PCDH11X: variants seen among roughly 807,000 people sequenced by gnomAD.
The protein encoded by PCDH11X is protocadherin 11 X-linked, also known as protocadherin-11 X-linked.
In PCDH11X, 18 loss-of-function variants were observed where a neutral mutation model predicts 53.3. That is an observed-to-expected ratio of 0.34 (90% CI 0.23 to 0.50). The LOEUF is 0.50. Among genes scored for constraint, PCDH11X ranks in the 20% least tolerant of loss-of-function variants. The pLI is 0.98. For missense variants in PCDH11X, 570 were observed against 1,032.4 expected, an observed-to-expected ratio of 0.55 and a Z score of 6.14; for synonymous variants, 279 against 393.3, an observed-to-expected ratio of 0.71 and a Z score of 3.44.
At chrX:92,491,459 G>T (rs1368332927) in intron 10 of PCDH11X, among the ~76,000 whole-genome samples, 1 of 109,567 alleles carries the variant, frequency 9.1e-6, no homozygotes, top group African/African-American at 3.3e-5. Flanking sequence ...TATTTTTATT[G>T]TCTATATTTA....
intron 10 of PCDH11X, among the ~76,000 whole-genome samples, chrX:92,563,058 T>A (rs1462681070): frequency 1.2e-4 from 3 of 25,760 alleles, no homozygotes; most frequent in African/African-American, 2.4e-4. Flanking sequence ...TTTTTTTTTT[T>A]TTTTTTTTTT....
intron 7 of PCDH11X, among the ~76,000 whole-genome samples, chrX:92,257,359 TC>T (rs1363577860): frequency 1.8e-5 from 2 of 111,096 alleles, no homozygotes; most frequent in Non-Finnish European, 3.8e-5. Flanking sequence ...ACCATATCAT[TC>T]TGCCCCTGGC....
chrX:92,440,193 G>A (rs1341367898), intron 9 of PCDH11X, among the ~76,000 whole-genome samples: 1 of 107,251 alleles, frequency 9.3e-6, no homozygotes, highest in Non-Finnish European at 1.9e-5. Context: ...TAGATTCAGG[G>A]AGTACATGTG....
chrX:91,956,852 T>C (rs2147880805), intron 6 of PCDH11X, among the ~76,000 whole-genome samples: 1 of 104,696 alleles, frequency 9.6e-6, no homozygotes, highest in East Asian at 3.0e-4. Context: ...AAATATGTTT[T>C]CCAAGTTGGT....
chrX:92,537,614 C>A (rs1449758262), intron 10 of PCDH11X, among the ~76,000 whole-genome samples: 1 of 101,184 alleles, frequency 9.9e-6, no homozygotes, highest in Non-Finnish European at 2.0e-5. Context: ...GAAATTATAC[C>A]ACAGAGATAT....
intron 10 of PCDH11X, among the ~76,000 whole-genome samples, chrX:92,592,298 T>G (rs1368205052): frequency 1.0e-5 from 1 of 95,886 alleles, no homozygotes; most frequent in Admixed American, 1.2e-4. Context: ...TGAATTTTCT[T>G]TTATCTGAAC....
intron 6 of PCDH11X, among the ~76,000 whole-genome samples, chrX:92,185,270 TAAGTA>T (rs2148297764): frequency 9.1e-6 from 1 of 110,098 alleles, no homozygotes; most frequent in East Asian, 2.8e-4. Flanking sequence ...TTTAAATAAA[TAAGTA>T]AATAAATAGT....
chrX:92,492,909 T>A (rs1056013893), intron 10 of PCDH11X, among the ~76,000 whole-genome samples: 2 of 111,648 alleles, frequency 1.8e-5, no homozygotes, highest in African/African-American at 6.5e-5. Flanking sequence ...CTTAAATTTA[T>A]CTACCACATA....
At chrX:91,848,865 C>T (rs756895114) in intron 5 of PCDH11X, among the ~76,000 whole-genome samples, 195 of 111,224 alleles carry the variant, frequency 1.8e-3, no homozygotes, top group African/African-American at 5.9e-3. Context: ...GAACCTGCTA[C>T]GATGAAGACT....
At chrX:92,266,187 G>C (rs1216973292) in intron 8 of PCDH11X, among the ~76,000 whole-genome samples, 1 of 111,220 alleles carries the variant, frequency 9.0e-6, no homozygotes, top group Non-Finnish European at 1.9e-5. Context: ...CATTAACTTG[G>C]GATTTATTGC....
Position 92,430,255 on chromosome X carries a change from A to C in PCDH11X, c.3344-38044A>C, listed in dbSNP as rs1291649877. 3.2e-5 allele frequency among the ~76,000 whole-genome samples: 3 copies of C among 92,457 alleles called. 1 individual carries two copies. The highest frequency in any genetic ancestry group is 1.1e-4 in the African/African-American group (3 of 26,989). 80.3% of individuals were successfully genotyped at this position (92,457 alleles called of 115,157 possible). Reference sequence around the variant, plus strand: ...AATGCTAGACAAAATTCAGAACAAAAGTATGTAATTTGAAAAATAACTGTT... The same window carrying C: ...AATGCTAGACAAAATTCAGAACAAACGTATGTAATTTGAAAAATAACTGTT... On this transcript the variant is annotated intron_variant, in intron 9 of 10. Transcript: ENST00000682573.
At chrX:92,239,630 C>G (rs1003083992) in intron 7 of PCDH11X, among the ~76,000 whole-genome samples, 6 of 111,509 alleles carry the variant, frequency 5.4e-5, no homozygotes, top group African/African-American at 2.0e-4. Context: ...CTAAAGAGAT[C>G]GATGTGTCAG....
intron 5 of PCDH11X, among the ~76,000 whole-genome samples, chrX:91,859,907 G>A (rs1180939505): frequency 1.8e-5 from 2 of 110,810 alleles, no homozygotes; most frequent in African/African-American, 6.6e-5. Flanking sequence ...GATGCCTCCA[G>A]CTTTGTTGTT....
At chrX:91,891,701 C>G in intron 6 of PCDH11X, among the ~76,000 whole-genome samples, 1 of 102,636 alleles carries the variant, frequency 9.7e-6, no homozygotes, top group East Asian at 3.1e-4. Context: ...AAATATTTCT[C>G]AAACTCCTAC....
intron 7 of PCDH11X, among the ~76,000 whole-genome samples, chrX:92,204,288 A>G (rs1222567593): frequency 8.9e-6 from 1 of 111,775 alleles, no homozygotes; most frequent in Non-Finnish European, 1.9e-5. Flanking sequence ...CTTTTCTATC[A>G]TATCGTCAGG....
At chrX:92,216,124 TG>T (rs1334219867) in intron 7 of PCDH11X, among the ~76,000 whole-genome samples, 2 of 108,838 alleles carry the variant, frequency 1.8e-5, no homozygotes, top group Non-Finnish European at 3.8e-5. Context: ...GCAGAAAAAC[TG>T]GAAACTCTAA....
intron 8 of PCDH11X, among the ~76,000 whole-genome samples, chrX:92,353,309 A>G (rs932648202): frequency 2.3e-4 from 26 of 112,217 alleles, no homozygotes; most frequent in African/African-American, 8.4e-4. Flanking sequence ...AGAACTTGTG[A>G]GTTAATTTCA....
At chrX:91,799,561 T>C (rs1462582945) in intron 1 of PCDH11X, among the ~76,000 whole-genome samples, 3 of 112,064 alleles carry the variant, frequency 2.7e-5, no homozygotes, top group Non-Finnish European at 5.6e-5. Context: ...GTTTCCTGGT[T>C]GTGAAATAAA....
intron 8 of PCDH11X, among the ~76,000 whole-genome samples, chrX:92,278,213 G>A (rs763409907): frequency 9.0e-5 from 10 of 111,514 alleles, no homozygotes; most frequent in Admixed American, 1.9e-4. Flanking sequence ...AAAAGAGGCC[G>A]CTTACCGGAT....
Sources: allele counts gnomAD v4.1 joint callset (sites outside exome capture counted in the v4.1 genomes callset), GRCh38; gene constraint gnomAD v4.1.1; transcripts MANE v1.5; gene names NCBI Gene and HGNC (gene_info 2026-07-23, HGNC 2026-07-21).